Variants in AUTS2 observed in about 807,000 individuals in gnomAD.
AUTS2 encodes the protein activator of transcription and developmental regulator AUTS2, also known as autism susceptibility gene 2 protein.
In AUTS2, 17 loss-of-function variants were observed where a neutral mutation model predicts 112.4. The observed-to-expected ratio is 0.15, with a 90% CI of 0.10 to 0.23. The LOEUF is 0.23. Among genes scored for constraint, AUTS2 ranks in the 10% least tolerant of loss-of-function variants. The pLI is 1.00. For missense variants in AUTS2, 1,510 were observed against 1,701.6 expected, an observed-to-expected ratio of 0.89 and a Z score of 1.98; for synonymous variants, 751 against 702.7, an observed-to-expected ratio of 1.07 and a Z score of -1.09.
At chr7:70,680,712 T>C (rs985401329) in intron 5 of AUTS2, among the ~76,000 whole-genome samples, 1 of 152,172 alleles carries the variant, frequency 6.6e-6, no homozygotes, top group Non-Finnish European at 1.5e-5. Flanking sequence ...TAGAATGTTG[T>C]TTGTGGCCCG....
At chr7:70,591,515 A>G (rs1024308747) in intron 5 of AUTS2, among the ~76,000 whole-genome samples, 2 of 152,166 alleles carry the variant, frequency 1.3e-5, no homozygotes, top group Admixed American at 6.5e-5. Context: ...CTTCTGCCTC[A>G]GCCACCCAGG....
At chr7:70,706,412 A>G (rs1007380072) in intron 6 of AUTS2, among the ~76,000 whole-genome samples, 7 of 152,340 alleles carry the variant, frequency 4.6e-5, no homozygotes, top group Admixed American at 3.9e-4. Context: ...GTAAACTCCT[A>G]CAGGGAGGAG....
chr7:70,790,812 C>T lies in AUTS2; in HGVS notation c.3596C>T (p.Pro1199Leu). 1 of 1,607,024 alleles carries T rather than the reference C, an allele frequency of 6.2e-7. No homozygotes were observed. The highest frequency in any genetic ancestry group is 8.5e-7 in the Non-Finnish European group (1 of 1,175,626). ...LPSMHYPRIS[P>L]TAGNQNGLLN... ...AGCATGCACTATCCCCGCATCAGCC[C>T]CACCGCGGGCAACCAGAACGGACTC... is the stretch of plus-strand genomic sequence containing the variant. The change falls in exon 19 of 19, where the codon CCC (proline) becomes CTC (leucine). Residue 1199 changes from proline (P) to leucine (L), a missense_variant. This residue lies in a region of AUTS2 where 788 missense variants were observed against 797.6 expected (regional missense o/e 0.99). Transcript: ENST00000342771. This position sits in a 1 kb window ranked among gnomAD's most constrained non-coding sequence, Gnocchi z 7.6.
intron 5 of AUTS2, among the ~76,000 whole-genome samples, chr7:70,483,963 A>T (rs1585199582): frequency 6.6e-6 from 1 of 152,344 alleles, no homozygotes; most frequent in Middle Eastern, 3.4e-3. Context: ...GAAGGGAAAG[A>T]AAGGCTTGAT....
intron 5 of AUTS2, among the ~76,000 whole-genome samples, chr7:70,521,207 G>A (rs1267244887): frequency 1.3e-5 from 2 of 152,170 alleles, no homozygotes; most frequent in African/African-American, 2.4e-5. Flanking sequence ...TGGAATGAGG[G>A]TTCTTGTACA....
At chr7:69,919,418 T>C (rs1034992942) in intron 2 of AUTS2, among the ~76,000 whole-genome samples, 3 of 152,238 alleles carry the variant, frequency 2.0e-5, no homozygotes, top group African/African-American at 7.2e-5. Context: ...CATTGTTTTA[T>C]GGCCACGACT....
chr7:70,150,521 T>C (rs535434884), intron 4 of AUTS2, among the ~76,000 whole-genome samples: 2 of 152,294 alleles, frequency 1.3e-5, no homozygotes, highest in South Asian at 2.1e-4. Context: ...AACAGACACA[T>C]AGACCATCAG....
intron 6 of AUTS2, among the ~76,000 whole-genome samples, chr7:70,755,669 CA>C (rs373818101): frequency 0.021 from 3,078 of 148,312 alleles, 113 homozygotes; most frequent in African/African-American, 0.071. Context: ...GACTCCATCT[CA>C]AAAAAAAAAT....
chr7:70,233,265 T>TA (rs762249745), intron 4 of AUTS2, among the ~76,000 whole-genome samples: 1 of 152,200 alleles, frequency 6.6e-6, no homozygotes, highest in East Asian at 1.9e-4. Context: ...CATGTGCACT[T>TA]ATGCTCATTC....
intron 5 of AUTS2, among the ~76,000 whole-genome samples, chr7:70,615,100 C>T (rs1055347850): frequency 1.3e-5 from 2 of 152,220 alleles, no homozygotes; most frequent in Admixed American, 6.5e-5. Context: ...AATACAGGAC[C>T]ATTTCCCCTG....
chr7:70,493,089 A>G (rs1296548325), intron 5 of AUTS2, among the ~76,000 whole-genome samples: 6 of 152,196 alleles, frequency 3.9e-5, no homozygotes, highest in Admixed American at 3.9e-4. Context: ...GATTGCTGGT[A>G]AAGATGCACA....
chr7:70,009,723 A>G (rs960444129), intron 2 of AUTS2, among the ~76,000 whole-genome samples: 3 of 152,160 alleles, frequency 2.0e-5, no homozygotes, highest in Non-Finnish European at 4.4e-5. Flanking sequence ...CAGCCATATA[A>G]TCTATGGTAT....
intron 1 of AUTS2, among the ~76,000 whole-genome samples, chr7:69,685,502 G>C (rs1226867846): frequency 6.6e-6 from 1 of 152,116 alleles, no homozygotes; most frequent in Non-Finnish European, 1.5e-5. Flanking sequence ...GACAAACTAA[G>C]CTATTTGTCC....
At chr7:70,060,869 G>C (rs1802214473) in intron 2 of AUTS2, among the ~76,000 whole-genome samples, 1 of 152,172 alleles carries the variant, frequency 6.6e-6, no homozygotes, top group African/African-American at 2.4e-5. Flanking sequence ...GACTGAGGTA[G>C]GTATTTCTTC....
chr7:70,267,195 T>C (rs955301756), intron 4 of AUTS2, among the ~76,000 whole-genome samples: 2 of 152,236 alleles, frequency 1.3e-5, no homozygotes, highest in African/African-American at 4.8e-5. Context: ...AATTGCATTA[T>C]GAAATCCTCT....
At chr7:70,035,521 C>G (rs2129557079) in intron 2 of AUTS2, among the ~76,000 whole-genome samples, 1 of 152,204 alleles carries the variant, frequency 6.6e-6, no homozygotes, top group East Asian at 1.9e-4. Flanking sequence ...CATATTATAG[C>G]TTCATCAGGA....
intron 2 of AUTS2, among the ~76,000 whole-genome samples, chr7:70,063,043 G>A: frequency 6.6e-6 from 1 of 152,282 alleles, no homozygotes; most frequent in South Asian, 2.1e-4. Flanking sequence ...GTTTGTGTAT[G>A]AGAGTCTTTC....
At position 70,766,093 on chromosome 7, in the gene AUTS2, C is replaced by T. The variant is rs1171060967; in HGVS notation, c.1469-21C>T. The T allele has an allele frequency of 6.2e-7, 1 of 1,606,572 alleles. No individual in the cohort carries two copies. The highest frequency in any genetic ancestry group is 2.2e-5 in the East Asian group (1 of 44,692). ...TTTCTGAAGGAAAAGGCGTCATCGT[C>T]TCCCTCTTCTTCTCTTCCAGAGCAA... On this transcript the variant is annotated intron_variant, in intron 8 of 18. Transcript: ENST00000342771. The surrounding 1 kb of genome is among the most constrained non-coding windows in gnomAD (Gnocchi z 4.8).
At chr7:70,172,113 C>G (rs1035316696) in intron 4 of AUTS2, among the ~76,000 whole-genome samples, 1 of 152,118 alleles carries the variant, frequency 6.6e-6, no homozygotes, top group Admixed American at 6.5e-5. Flanking sequence ...TCCTAACCCC[C>G]CTGTGTTTAT....
Sources: allele counts gnomAD v4.1 joint callset (sites outside exome capture counted in the v4.1 genomes callset), GRCh38; gene constraint gnomAD v4.1.1; regional missense constraint gnomAD v4.1.1; non-coding constraint Gnocchi (gnomAD v3.1); transcripts MANE v1.5; gene names NCBI Gene and HGNC (gene_info 2026-07-23, HGNC 2026-07-21).